NF1: variants seen among roughly 807,000 people sequenced by gnomAD.
NF1 encodes neurofibromin.
Under a neutral mutation model 325.7 loss-of-function variants are expected in NF1, and 122 were observed. The ratio of observed to expected loss-of-function variants is 0.37; its 90% confidence interval spans 0.32 to 0.44. The LOEUF (loss-of-function observed/expected upper bound fraction) is 0.44, where lower values mean the gene tolerates loss of function less well. NF1 is among the 20% of genes least tolerant of loss of function. The probability of loss-of-function intolerance (pLI) is 1.00; values close to 1 mark genes in which losing one functional copy is unlikely to be tolerated. For missense variants in NF1, 2,140 were observed against 3,415.4 expected, an observed-to-expected ratio of 0.63 and a Z score of 9.31; for synonymous variants, 1,091 against 1,186.0, an observed-to-expected ratio of 0.92 and a Z score of 1.65.
chr17:31,266,645 A>G (rs1644356362), intron 36 of NF1, among the ~76,000 whole-genome samples: 1 of 152,128 alleles, frequency 6.6e-6, no homozygotes, highest in Admixed American at 6.5e-5. Context: ...AAAAGCAAAC[A>G]TTGGTAAGGG....
intron 1 of NF1, among the ~76,000 whole-genome samples, chr17:31,131,058 A>T (rs997708415): frequency 1.3e-5 from 2 of 152,128 alleles, no homozygotes; most frequent in African/African-American, 2.4e-5. Context: ...CTCAGGTCAC[A>T]CCACCCCCAC....
chr17:31,327,491 C>T lies in NF1; in HGVS notation c.5269-8C>T, dbSNP rs1597831805. ...TCTCCACTTCACCCCGTCACCACCACTTTCCAGGTTGGTTCTACTGCTGTC... is the reference window on the plus strand; with the variant it reads ...TCTCCACTTCACCCCGTCACCACCATTTTCCAGGTTGGTTCTACTGCTGTC... On this transcript the variant is annotated splice_polypyrimidine_tract_variant and splice_region_variant and intron_variant, in intron 37 of 57. Coordinates refer to ENST00000358273, the MANE Select transcript of NF1 (RefSeq NM_001042492.3). 4 of 1,610,598 alleles carry T rather than the reference C, an allele frequency of 2.5e-6. No homozygotes were observed. Among genetic ancestry groups the T allele is most frequent in the Non-Finnish European group, 3.4e-6 (4 of 1,178,310 alleles).
intron 1 of NF1, among the ~76,000 whole-genome samples, chr17:31,099,483 C>T (rs1912099303): frequency 6.6e-6 from 1 of 151,970 alleles, no homozygotes; most frequent in South Asian, 2.1e-4. Flanking sequence ...TTAAATCTTA[C>T]ATCTCTCCTT....
At chr17:31,227,124 T>C in intron 18 of NF1, 94 bp from the exon 19 acceptor site, 1 of 1,290,944 alleles carries the variant, frequency 7.7e-7, no homozygotes, top group South Asian at 1.2e-5. Flanking sequence ...TTTGCTCTGC[T>C]CTTCCTACTC....
At chr17:31,331,765 G>C (rs2069494668) in intron 39 of NF1, 1 of 152,088 alleles carries the variant, frequency 6.6e-6, no homozygotes, top group South Asian at 2.1e-4. Context: ...GCTCTCGCCT[G>C]TAATCCCAGC....
intron 57 of NF1, chr17:31,361,036 T>C: frequency 3.7e-6 from 1 of 271,166 alleles, no homozygotes; most frequent in Non-Finnish European, 6.9e-6. Flanking sequence ...ATACTAACAT[T>C]GCCCTAAGGG....
chr17:31,240,549 C>T lies in NF1; in HGVS notation c.3974+4528C>T, dbSNP rs184061375. On this transcript the variant is annotated intron_variant, in intron 29 of 57. Transcript: ENST00000358273. Reference sequence around the variant, plus strand: ...AGTGCTGCAACAAACATGGGAGTGCCGATATGTCTTCAATATACTGATTTC... The same window carrying T: ...AGTGCTGCAACAAACATGGGAGTGCTGATATGTCTTCAATATACTGATTTC... Among the ~76,000 whole-genome samples, 555 of 152,168 alleles carry T rather than the reference C, an allele frequency of 3.6e-3. 1 individual carries two copies. The highest frequency in any genetic ancestry group is 5.5e-3 in the Non-Finnish European group (371 of 68,000).
chr17:31,262,682 C>G (rs2067705326), intron 35 of NF1, among the ~76,000 whole-genome samples: 1 of 152,026 alleles, frequency 6.6e-6, no homozygotes. Flanking sequence ...ACCATTGATA[C>G]TGTTAAAAGA....
intron 3 of NF1, among the ~76,000 whole-genome samples, chr17:31,161,378 G>A (rs1224457903): frequency 1.3e-5 from 2 of 152,210 alleles, no homozygotes; most frequent in Non-Finnish European, 2.9e-5. Context: ...GCATCTGAGA[G>A]TGCTTGGATT....
At chr17:31,144,027 A>T (rs928857515) in intron 1 of NF1, among the ~76,000 whole-genome samples, 2 of 151,938 alleles carry the variant, frequency 1.3e-5, no homozygotes, top group Non-Finnish European at 2.9e-5. Flanking sequence ...GTTTCACCGT[A>T]TTAGTCAGGA....
chr17:31,217,247 A>G (rs1440962757), intron 13 of NF1, among the ~76,000 whole-genome samples: 1 of 152,162 alleles, frequency 6.6e-6, no homozygotes, highest in Non-Finnish European at 1.5e-5. Context: ...AGTCATTATA[A>G]TGGGGAAAAA....
At chr17:31,144,425 A>C (rs1401971784) in intron 1 of NF1, among the ~76,000 whole-genome samples, 2 of 152,198 alleles carry the variant, frequency 1.3e-5, no homozygotes, top group African/African-American at 2.4e-5. Flanking sequence ...ATTGCTGTAT[A>C]ATAAGCTACT....
At position 31,336,236 on chromosome 17, in the gene NF1, A is replaced by G. The variant is rs1276546508; in HGVS notation, c.6007-97A>G. On this transcript the variant is annotated intron_variant, in intron 40 of 57. Transcript: ENST00000358273. This position sits in a 1 kb window ranked among gnomAD's most constrained non-coding sequence, Gnocchi z 5.5. ...TTTTTGAGGCCTCAGGTAAAATAGA[A>G]TTTTCATATTGATTAGGCTGTTCCA... is the stretch of plus-strand genomic sequence containing the variant. The G allele has an allele frequency of 7.4e-7, 1 of 1,353,964 alleles. No homozygotes were observed. The allele number at this position is 1,353,964 out of a possible 1,614,324, so 83.9% of individuals were successfully genotyped here.
chr17:31,306,930 G>A (rs2068738909), intron 36 of NF1, among the ~76,000 whole-genome samples: 1 of 151,908 alleles, frequency 6.6e-6, no homozygotes, highest in African/African-American at 2.4e-5. Context: ...TGGGAGGATC[G>A]TTTGAGGCCA....
chr17:31,293,547 A>G (rs2068395607), intron 36 of NF1, among the ~76,000 whole-genome samples: 1 of 152,198 alleles, frequency 6.6e-6, no homozygotes, highest in Admixed American at 6.5e-5. Flanking sequence ...TAATTTTTCC[A>G]TAATCCTGGT....
At chr17:31,224,182 A>G (rs1460546376) in intron 16 of NF1, among the ~76,000 whole-genome samples, 1 of 152,136 alleles carries the variant, frequency 6.6e-6, no homozygotes, top group African/African-American at 2.4e-5. Context: ...AGACTTTTTC[A>G]TTGGGGTGGA....
intron 36 of NF1, chr17:31,272,026 A>C (rs1477762038): frequency 3.3e-5 from 5 of 152,206 alleles, no homozygotes; most frequent in African/African-American, 9.7e-5. Context: ...TGCTTGTTTC[A>C]GCATTTAATA....
intron 36 of NF1, chr17:31,318,916 G>A (rs752090884): frequency 2.5e-6 from 4 of 1,614,000 alleles, no homozygotes; most frequent in Admixed American, 1.7e-5. Flanking sequence ...CCACAGACGG[G>A]TATAGTTTGC....
At chr17:31,162,962 TTTAA>T (rs2065787871) in intron 3 of NF1, among the ~76,000 whole-genome samples, 1 of 152,150 alleles carries the variant, frequency 6.6e-6, no homozygotes, top group Non-Finnish European at 1.5e-5. Context: ...GGGATTGAAC[TTTAA>T]TTGTGATTAT....
Sources: gnomAD v4.1 joint callset for allele counts (sites outside exome capture counted in the v4.1 genomes callset) on GRCh38, gnomAD v4.1.1 for gene constraint, Gnocchi (gnomAD v3.1) non-coding constraint, MANE v1.5 for transcripts, NCBI Gene and HGNC (gene_info 2026-07-23, HGNC 2026-07-21) for gene names.